The following ZSCAN21 variants were observed in gnomAD, a reference collection of about 807,000 sequenced individuals.
The protein encoded by ZSCAN21 is zinc finger and SCAN domain containing 21, also known as zinc finger and SCAN domain-containing protein 21.
Under a neutral mutation model 35.6 loss-of-function variants are expected in ZSCAN21, and 26 were observed. The ratio of observed to expected loss-of-function variants is 0.73; its 90% CI spans 0.54 to 1.01. The LOEUF is 1.01. Among genes scored for constraint, ZSCAN21 ranks in the 50% least tolerant of loss-of-function variants. ZSCAN21 has a pLI of 0.00. For synonymous variants in ZSCAN21, 219 were observed against 219.3 expected (o/e 1.00, Z 0.01); for missense variants, 593 against 587.1 (o/e 1.01, Z -0.10).
rs1324636853 is a variant in ZSCAN21 at position 100,064,112 on chromosome 7, T to C, written c.917T>C (p.Val306Ala). ...ACACACACTGGGGAGAAACCTTACG[T>C]GTGCACCAAGTGTGGGAAAGCTTTC... Reference protein sequence around the residue: ...RRTHTGEKPYVCTKCGKAFSH... With the variant: ...RRTHTGEKPYACTKCGKAFSH... Residue 306 changes from valine (V) to alanine (A), a missense_variant, in exon 4 of 4, where the codon GTG becomes GCG. Coordinates refer to ENST00000292450, the MANE Select transcript of ZSCAN21 (RefSeq NM_145914.3). 5.0e-6 allele frequency: 8 copies of C among 1,613,436 alleles called. No individual in the cohort carries two copies. The highest frequency in any genetic ancestry group is 6.8e-6 in the Non-Finnish European group (8 of 1,179,876).
In ZSCAN21 at chr7:100,053,999, C is replaced by T. The variant is rs187163681; in HGVS notation, c.-96-2912C>T. 5.0e-3 allele frequency among the ~76,000 whole-genome samples: 767 copies of T among 152,126 alleles called. 7 individuals are homozygous for T. The highest frequency in any genetic ancestry group is 7.3e-3 in the Non-Finnish European group (494 of 68,000). On this transcript the variant is annotated intron_variant, in intron 1 of 3. Coordinates refer to ENST00000292450, the MANE Select transcript of ZSCAN21 (RefSeq NM_145914.3). Reference sequence around the variant, plus strand: ...CTGGGATTACGGCCGTTAGCCACCACGCCCGGCCAGTCGTTTTAAATATTC... The same window carrying T: ...CTGGGATTACGGCCGTTAGCCACCATGCCCGGCCAGTCGTTTTAAATATTC...
intron 3 of ZSCAN21, among the ~76,000 whole-genome samples, chr7:100,062,066 G>T (rs972009590): frequency 6.6e-6 from 1 of 152,284 alleles, no homozygotes; most frequent in Admixed American, 6.5e-5. Flanking sequence ...TGGAGATCAC[G>T]TGCTTTCATT....
Position 100,065,004 on chromosome 7 carries a change from T to G in ZSCAN21, c.*387T>G. On this transcript the variant is annotated 3_prime_UTR_variant, in exon 4 of 4. Coordinates refer to ENST00000292450, the MANE Select transcript of ZSCAN21 (RefSeq NM_145914.3). ...AGAATTGAGCCACATTGAACACAAT[T>G]GAATGAGATTCAGAATAAACTTATA... 3 of 1,497,520 alleles carry G rather than the reference T, an allele frequency of 2.0e-6. No individual in the cohort carries two copies. Among genetic ancestry groups the G allele is most frequent in the Non-Finnish European group, 2.7e-6 (3 of 1,094,498 alleles). The allele number at this position is 1,497,520 out of a possible 1,614,324, so 92.8% of individuals were successfully genotyped here.
At chr7:100,062,874 AAAAT>A (rs1338179572) in intron 3 of ZSCAN21, among the ~76,000 whole-genome samples, 1 of 152,184 alleles carries the variant, frequency 6.6e-6, no homozygotes, top group Non-Finnish European at 1.5e-5. Flanking sequence ...ACTCCGTCTC[AAAAT>A]AAATAAATAA....
At chr7:100,050,006 A>C (rs1194451776) in intron 1 of ZSCAN21, among the ~76,000 whole-genome samples, 165 bp downstream of exon 1, 1 of 151,180 alleles carries the variant, frequency 6.6e-6, no homozygotes, top group East Asian at 1.9e-4. Flanking sequence ...GCCCAGGACC[A>C]GCTGGTGGGG....
intron 1 of ZSCAN21, among the ~76,000 whole-genome samples, chr7:100,052,964 A>T (rs1791938259): frequency 6.6e-6 from 1 of 151,958 alleles, no homozygotes; most frequent in Non-Finnish European, 1.5e-5. Context: ...CCCCATCTCT[A>T]CTAAAAATAT....
chr7:100,057,446 C>T (rs188224174), intron 2 of ZSCAN21, 41 bp downstream of exon 2: 262 of 1,506,562 alleles, frequency 1.7e-4, no homozygotes, highest in Non-Finnish European at 2.0e-4. Context: ...AGATTGGGAG[C>T]GTAACATTCT....
At chr7:100,053,546 A>ATACATAGTTTTT (rs755978112) in intron 1 of ZSCAN21, among the ~76,000 whole-genome samples, 5 of 79,488 alleles carry the variant, frequency 6.3e-5, no homozygotes, top group Admixed American at 1.2e-4. Context: ...TACATACATA[A>ATACATAGTTTTT]TTTTTTTTTT....
At chr7:100,061,746 CAG>C (rs1299630438) in intron 3 of ZSCAN21, among the ~76,000 whole-genome samples, 1 of 152,028 alleles carries the variant, frequency 6.6e-6, no homozygotes, top group African/African-American at 2.4e-5. Flanking sequence ...GACAGCTGGG[CAG>C]AGAGAGAGAA....
intron 1 of ZSCAN21, among the ~76,000 whole-genome samples, chr7:100,055,329 A>C (rs1792036747): frequency 1.3e-5 from 2 of 151,830 alleles, no homozygotes; most frequent in East Asian, 3.9e-4. Flanking sequence ...CAGTGGCGCG[A>C]TCTCGGCTCA....
At chr7:100,059,771 G>A (rs769844996) in intron 3 of ZSCAN21, among the ~76,000 whole-genome samples, 1 of 151,664 alleles carries the variant, frequency 6.6e-6, no homozygotes, top group Non-Finnish European at 1.5e-5. Flanking sequence ...GTGCAGTGGC[G>A]CTATATCGGC....
chr7:100,064,447 T>C lies in ZSCAN21; in HGVS notation c.1252T>C (p.Cys418Arg). Residue 418 changes from cysteine to arginine, a missense_variant, in exon 4 of 4, where the codon TGT (cysteine) becomes CGT (arginine). Transcript: ENST00000292450. ...RLHTGEKPYK[C>R]KECGKAFNHS... ...CCACACCGGAGAGAAGCCATATAAG[T>C]GTAAGGAGTGTGGGAAAGCCTTCAA... 2 of 1,614,056 alleles carry C rather than the reference T, an allele frequency of 1.2e-6. No homozygotes were observed. The highest frequency in any genetic ancestry group is 1.7e-5 in the Admixed American group (1 of 60,000).
At chr7:100,057,644 T>C in intron 2 of ZSCAN21, 54 bp from the exon 3 acceptor site, 1 of 1,506,546 alleles carries the variant, frequency 6.6e-7, no homozygotes, top group Non-Finnish European at 9.0e-7. Context: ...GGATTTTCAT[T>C]CTTGGTCTTA....
At chr7:100,052,639 C>T (rs1200432688) in intron 1 of ZSCAN21, among the ~76,000 whole-genome samples, 1 of 151,816 alleles carries the variant, frequency 6.6e-6, no homozygotes, top group African/African-American at 2.4e-5. Flanking sequence ...GGTAGTTGGT[C>T]GTATGAGTCT....
chr7:100,059,325 C>A (rs896692897), intron 3 of ZSCAN21, among the ~76,000 whole-genome samples: 2 of 152,174 alleles, frequency 1.3e-5, no homozygotes, highest in Admixed American at 1.3e-4. Context: ...CCCAGAGTTG[C>A]CACAGTAATT....
intron 1 of ZSCAN21, among the ~76,000 whole-genome samples, chr7:100,052,393 C>T (rs1388075761): frequency 1.3e-5 from 2 of 151,864 alleles, no homozygotes; most frequent in African/African-American, 4.8e-5. Flanking sequence ...TGTGCCACTG[C>T]ACTCCAGTCT....
chr7:100,056,789 G>A (rs1792089587), intron 1 of ZSCAN21, 122 bp from the exon 2 acceptor site: 2 of 484,294 alleles, frequency 4.1e-6, no homozygotes, highest in Non-Finnish European at 7.3e-6. Context: ...TTGAGCAGTT[G>A]TTTTTGTATG....
chr7:100,057,627 T>C, intron 2 of ZSCAN21, 71 bp from the exon 3 acceptor site: 1 of 1,445,842 alleles, frequency 6.9e-7, no homozygotes, highest in Non-Finnish European at 9.4e-7. Context: ...TCTATGTAGC[T>C]CTACTGGGAT....
Position 100,064,805 on chromosome 7 carries a change from G to T in ZSCAN21, c.*188G>T, listed in dbSNP as rs1792557710. 2 of 1,614,144 alleles carry T rather than the reference G, an allele frequency of 1.2e-6. No individual in the cohort carries two copies. Among genetic ancestry groups the T allele is most frequent in the Non-Finnish European group, 8.5e-7 (1 of 1,180,026 alleles). Reference sequence around the variant, plus strand: ...GGAGGTCCTCAGAAGGTGTCAGGAGGTTCCACACTCGCCAGTTCACTGGAG... The same window carrying T: ...GGAGGTCCTCAGAAGGTGTCAGGAGTTTCCACACTCGCCAGTTCACTGGAG... On this transcript the variant is annotated 3_prime_UTR_variant, in exon 4 of 4. Transcript: ENST00000292450.
Sources: gnomAD v4.1 joint callset for allele counts (sites outside exome capture counted in the v4.1 genomes callset) on GRCh38, gnomAD v4.1.1 for gene constraint, MANE v1.5 for transcripts, NCBI Gene and HGNC (gene_info 2026-07-23, HGNC 2026-07-21) for gene names.